Variants in DPH6 observed in about 807,000 individuals in gnomAD.
DPH6 encodes diphthamine biosynthesis 6, also known as diphthine--ammonia ligase.
Under a neutral mutation model 38.2 loss-of-function variants are expected in DPH6, and 33 were observed. That is an observed-to-expected ratio of 0.86 (90% CI 0.65 to 1.15). The LOEUF (loss-of-function observed/expected upper bound fraction) is 1.15. DPH6 is among the 50% of genes most tolerant of loss of function. The probability of loss-of-function intolerance (pLI) is 0.00; values close to 1 mark genes in which losing one functional copy is unlikely to be tolerated. For missense variants in DPH6, 325 were observed against 320.0 expected (o/e 1.02, Z -0.12); for synonymous variants, 108 against 103.0 (o/e 1.05, Z -0.30).
chr15:35,449,472 C>T (rs2053901885), intron 5 of DPH6, among the ~76,000 whole-genome samples: 1 of 152,042 alleles, frequency 6.6e-6, no homozygotes, highest in Admixed American at 6.6e-5. Flanking sequence ...AGTCTTTTAT[C>T]TATCGGGCAG....
At chr15:35,282,974 A>G in intron 3 of DPH6, 1 of 286,572 alleles carries the variant, frequency 3.5e-6, no homozygotes, top group African/African-American at 2.2e-5. Context: ...GCACATCTTG[A>G]GCTGATCTCC....
intron 3 of DPH6, among the ~76,000 whole-genome samples, chr15:35,250,674 G>T (rs952322973): frequency 6.6e-6 from 1 of 152,022 alleles, no homozygotes; most frequent in African/African-American, 2.4e-5. Flanking sequence ...TCCATTCTGG[G>T]TGGATCTGAA....
chr15:35,375,262 G>T (rs1464623705), intron 7 of DPH6, among the ~76,000 whole-genome samples: 2 of 152,028 alleles, frequency 1.3e-5, no homozygotes, highest in African/African-American at 4.8e-5. Context: ...GAGAATATAT[G>T]ACATTCTGAG....
At chr15:35,259,612 T>C (rs986877331) in intron 3 of DPH6, among the ~76,000 whole-genome samples, 2 of 152,220 alleles carry the variant, frequency 1.3e-5, no homozygotes, top group African/African-American at 2.4e-5. Flanking sequence ...TATAGAAATA[T>C]GTGATGTCAC....
chr15:35,334,341 G>A (rs1377205848), intron 3 of DPH6, among the ~76,000 whole-genome samples: 2 of 151,944 alleles, frequency 1.3e-5, no homozygotes, highest in Non-Finnish European at 2.9e-5. Flanking sequence ...TATTATGATA[G>A]CAAAATAAAG....
chr15:35,539,995 A>G (rs1168117072), intron 2 of DPH6, among the ~76,000 whole-genome samples: 1 of 152,094 alleles, frequency 6.6e-6, no homozygotes. Context: ...TCTCGTCTCA[A>G]AATTAGACTG....
At chr15:35,387,989 T>C (rs2052995318) in intron 6 of DPH6, among the ~76,000 whole-genome samples, 1 of 152,104 alleles carries the variant, frequency 6.6e-6, no homozygotes. Context: ...TTGTCATAGA[T>C]AGCTCTTATT....
chr15:35,522,411 T>G (rs914723131), intron 3 of DPH6: 1 of 781,770 alleles, frequency 1.3e-6, no homozygotes, highest in South Asian at 2.4e-5. Flanking sequence ...ACAACAGGAC[T>G]GCAAGTGAAT....
At chr15:35,167,000 C>T in the DPH6 span, among the ~76,000 whole-genome samples, 1 of 151,922 alleles carries the variant, frequency 6.6e-6, no homozygotes, top group Admixed American at 6.6e-5. Context: ...ACTGAAGAGC[C>T]GGAAGAGTTT....
At chr15:35,311,257 T>C (rs1050340727) in intron 3 of DPH6, among the ~76,000 whole-genome samples, 4 of 152,066 alleles carry the variant, frequency 2.6e-5, no homozygotes, top group African/African-American at 9.7e-5. Context: ...AACAACAGGT[T>C]TTAAAGGCAA....
At chr15:35,393,667 T>C (rs914133364) in intron 6 of DPH6, among the ~76,000 whole-genome samples, 6 of 152,138 alleles carry the variant, frequency 3.9e-5, no homozygotes, top group African/African-American at 1.4e-4. Context: ...TAGGGGAAAG[T>C]CAAAGGATTC....
intron 3 of DPH6, among the ~76,000 whole-genome samples, chr15:35,475,678 T>G (rs1378834601): frequency 6.6e-6 from 1 of 151,876 alleles, no homozygotes; most frequent in African/African-American, 2.4e-5. Flanking sequence ...CCTATTCTGA[T>G]AGTTGTATTA....
chr15:35,436,203 A>G (rs1255397417), intron 5 of DPH6, among the ~76,000 whole-genome samples: 1 of 152,042 alleles, frequency 6.6e-6, no homozygotes, highest in Non-Finnish European at 1.5e-5. Flanking sequence ...GCGGTGGCTC[A>G]TGCCTGTAAT....
chr15:35,197,649 T>G, the DPH6 span, among the ~76,000 whole-genome samples: 2 of 152,222 alleles, frequency 1.3e-5, no homozygotes, highest in African/African-American at 4.8e-5. Flanking sequence ...TTTCTAGGTA[T>G]TTCAGAAAGT....
At chr15:35,269,450 T>C (rs60421537) in intron 3 of DPH6, among the ~76,000 whole-genome samples, 8,805 of 152,208 alleles carry the variant, frequency 0.058, 673 homozygotes, top group East Asian at 0.32. Flanking sequence ...CCGTGAATTT[T>C]AGGACTTCAT....
At chr15:35,333,927 T>C (rs1178032445) in intron 3 of DPH6, among the ~76,000 whole-genome samples, 1 of 152,148 alleles carries the variant, frequency 6.6e-6, no homozygotes, top group African/African-American at 2.4e-5. Context: ...ATATACACCA[T>C]GGAGTACTAT....
At chr15:35,329,685 A>G (rs1364928898), downstream of DPH6, among the ~76,000 whole-genome samples, 2 of 152,150 alleles carry the variant, frequency 1.3e-5, no homozygotes, top group Non-Finnish European at 2.9e-5. Flanking sequence ...TTTGGGAAAG[A>G]AATACATTGT....
At chr15:35,451,395 C>T (rs2053930931) in intron 4 of DPH6, among the ~76,000 whole-genome samples, 1 of 152,130 alleles carries the variant, frequency 6.6e-6, no homozygotes, top group African/African-American at 2.4e-5. Flanking sequence ...ATTTTGTACT[C>T]TAGCTGCATG....
At chr15:35,177,600 A>AAAATCATC in the DPH6 span, among the ~76,000 whole-genome samples, 454 of 134,402 alleles carry the variant, frequency 3.4e-3, 3 homozygotes, top group African/African-American at 5.1e-3. Flanking sequence ...AAAAAAAAAA[A>AAAATCATC]ATCATCATCA....
Sources: allele counts gnomAD v4.1 joint callset (sites outside exome capture counted in the v4.1 genomes callset), GRCh38; gene constraint gnomAD v4.1.1; transcripts MANE v1.5; gene names NCBI Gene and HGNC (gene_info 2026-07-23, HGNC 2026-07-21).